The following PDZD4 variants were observed in gnomAD, a reference collection of about 807,000 sequenced individuals.
PDZD4 encodes PDZ domain containing 4, also known as PDZ domain-containing protein 4.
A neutral mutation model predicts 38.5 loss-of-function variants in PDZD4; 9 were observed. The observed-to-expected ratio is 0.23, with a 90% CI of 0.14 to 0.41. PDZD4 has a LOEUF of 0.41. Ranked by LOEUF, PDZD4 falls within the 10% of genes least tolerant of loss-of-function variation. The probability of loss-of-function intolerance (pLI) is 1.00; values close to 1 mark genes in which losing one functional copy is unlikely to be tolerated. For synonymous variants in PDZD4, 349 were observed against 315.7 expected, an observed-to-expected ratio of 1.11 and a Z score of -1.12; for missense variants, 612 against 722.0, an observed-to-expected ratio of 0.85 and a Z score of 1.75.
intron 2 of PDZD4, chrX:153,807,778 G>GC: frequency 1.1e-6 from 1 of 906,593 alleles, no homozygotes; most frequent in Non-Finnish European, 1.4e-6. Flanking sequence ...GCAGAGGGGG[G>GC]CCCACCCTAC....
intron 1 of PDZD4, among the ~76,000 whole-genome samples, chrX:153,826,801 T>C (rs1175890580): frequency 3.6e-5 from 4 of 111,638 alleles, no homozygotes; most frequent in Non-Finnish European, 7.5e-5. Context: ...ATAAAGAAAA[T>C]ACTCATGAAT....
At chrX:153,809,999 T>TA (rs2064293627) in intron 1 of PDZD4, among the ~76,000 whole-genome samples, 1 of 112,544 alleles carries the variant, frequency 8.9e-6, no homozygotes, top group African/African-American at 3.2e-5. Flanking sequence ...CCTGGGACAG[T>TA]ATGCTGCGAC....
rs1423390973 is a variant in PDZD4 at position 153,802,576 on chromosome X, GCTCT to G, written c.*773_*776del. ...AGGACCCCTCCGTTCCTGCAGTCTT[GCTCT>G]CTCTGAGTCACTGGGGAAACAGGTG... On this transcript the variant is annotated 3_prime_UTR_variant, in exon 8 of 8. Transcript: ENST00000393758. 9.0e-6 allele frequency: 1 copy of G among 111,681 alleles called. No homozygotes were observed. The highest frequency in any genetic ancestry group is 1.9e-5 in the Non-Finnish European group (1 of 52,948). 9.2% of individuals were successfully genotyped at this position (111,681 alleles called of 1,213,427 possible).
chrX:153,804,993 G>C, intron 7 of PDZD4, 93 bp from the exon 8 acceptor site: 1 of 1,123,835 alleles, frequency 8.9e-7, no homozygotes, highest in East Asian at 3.0e-5. Flanking sequence ...TTCAGGCCTG[G>C]TTCATTTCCC....
At chrX:153,824,420 C>A (rs927788399) in intron 1 of PDZD4, among the ~76,000 whole-genome samples, 14 of 111,579 alleles carry the variant, frequency 1.3e-4, no homozygotes, top group African/African-American at 4.2e-4. Flanking sequence ...GTCCAGCTTT[C>A]CCCTGGAAGG....
intron 4 of PDZD4, 51 bp downstream of exon 4, chrX:153,806,691 A>T (rs782368635): frequency 1.8e-6 from 2 of 1,112,935 alleles, no homozygotes; most frequent in Non-Finnish European, 2.5e-6. Flanking sequence ...TCTGAGCCAC[A>T]GGCAGGCCAT....
At chrX:153,805,384 G>GC in intron 6 of PDZD4, 121 bp downstream of exon 6, 1 of 355,463 alleles carries the variant, frequency 2.8e-6, no homozygotes, top group Non-Finnish European at 4.9e-6. Flanking sequence ...AGAGACCCCT[G>GC]CCCACCCGCC....
Position 153,803,059 on chromosome X carries a change from G to C in PDZD4, c.*294C>G. The C allele has an allele frequency of 4.3e-6, 1 of 234,377 alleles. No individual in the cohort carries two copies. Among genetic ancestry groups the C allele is most frequent in the Non-Finnish European group, 7.7e-6 (1 of 129,947 alleles). 19.3% of individuals were successfully genotyped at this position (234,377 alleles called of 1,213,427 possible). On this transcript the variant is annotated 3_prime_UTR_variant, in exon 8 of 8. Transcript: ENST00000393758. Reference sequence around the variant, plus strand: ...ACGTGCAAGCACACGCAAGAGCATGGGGGATGGGGAATGCACACGCACAGC... The same window carrying C: ...ACGTGCAAGCACACGCAAGAGCATGCGGGATGGGGAATGCACACGCACAGC...
Position 153,803,833 on chromosome X carries a change from G to A in PDZD4, c.1848C>T (p.Gly616=), listed in dbSNP as rs782252352. The A allele has an allele frequency of 6.7e-6, 8 of 1,194,808 alleles. No homozygotes were observed. The South Asian group carries it at 7.2e-5, about 11-fold the overall frequency. Residue 616 remains glycine, a synonymous_variant, in exon 8 of 8, where the codon GGC becomes GGT. Coordinates refer to ENST00000393758, the MANE Select transcript of PDZD4 (RefSeq NM_001303512.2). ...CTTCAGTGGCCGCGGCCGCCACCCC[G>A]CCCACCCGAGGGCCACCGGCCAAGC... ...PLSLAGGPRV[G]GVAAAATEAP...
At position 153,804,556 on chromosome X, in the gene PDZD4, G is replaced by A. The variant is rs1557076168; in HGVS notation, c.1125C>T (p.Asn375=). Residue 375 remains asparagine, a synonymous_variant, in exon 8 of 8, where the codon AAC becomes AAT. Transcript: ENST00000393758. ...ELLEIKCHLE[N]GNQLGLLFPR... ...GAAAGAGGAGGCCCAGCTGGTTGCC[G>A]TTCTCCAGGTGGCACTTGATCTCCA... The A allele has an allele frequency of 8.3e-6, 10 of 1,209,605 alleles. No homozygotes were observed. The highest frequency in any genetic ancestry group is 1.8e-5 in the South Asian group (1 of 56,989).
At chrX:153,807,206 G>A in intron 3 of PDZD4, 73 bp downstream of exon 3, 1 of 1,070,849 alleles carries the variant, frequency 9.3e-7, no homozygotes, top group Non-Finnish European at 1.3e-6. Context: ...GTTGGGCCTG[G>A]GCAGGAAGGC....
chrX:153,817,365 G>C (rs1321987848), intron 1 of PDZD4, among the ~76,000 whole-genome samples: 3 of 112,010 alleles, frequency 2.7e-5, no homozygotes, highest in Non-Finnish European at 5.6e-5. Flanking sequence ...TAGTAACCAA[G>C]ACTCGGAGGC....
chrX:153,829,751 G>A lies in PDZD4; in HGVS notation c.60+488C>T, dbSNP rs782532669. On this transcript the variant is annotated intron_variant, in intron 1 of 7. Coordinates refer to ENST00000393758, the MANE Select transcript of PDZD4 (RefSeq NM_001303512.2). ...CACTCACCCGAGACGCCTAAGGCCC[G>A]GGAGCCCATCGTTCGGGCAGGGCCA... The A allele has an allele frequency of 1.3e-5, 10 of 753,936 alleles. No individual in the cohort carries two copies. In the East Asian group the frequency reaches 1.2e-3, roughly 92 times the overall value. 62.1% of individuals were successfully genotyped at this position (753,936 alleles called of 1,213,427 possible).
chrX:153,809,538 G>T (rs1290979461), intron 1 of PDZD4, among the ~76,000 whole-genome samples: 3 of 112,531 alleles, frequency 2.7e-5, no homozygotes, highest in African/African-American at 6.5e-5. Context: ...AGTGAGCCGA[G>T]ATCGCACCAC....
intron 1 of PDZD4, among the ~76,000 whole-genome samples, chrX:153,829,385 G>A (rs2064517094): frequency 9.0e-6 from 1 of 111,424 alleles, no homozygotes; most frequent in South Asian, 3.8e-4. Flanking sequence ...GCTCCTGGGT[G>A]CCTTGACCTT....
chrX:153,807,624 T>TC (rs368488199), intron 2 of PDZD4, among the ~76,000 whole-genome samples: 1,177 of 90,762 alleles, frequency 0.013, 25 homozygotes, highest in African/African-American at 0.041. Flanking sequence ...AGCGTTCCCG[T>TC]CCCCCAGACC....
intron 1 of PDZD4, among the ~76,000 whole-genome samples, chrX:153,816,380 C>A (rs1023657428): frequency 9.2e-6 from 1 of 108,600 alleles, no homozygotes; most frequent in Non-Finnish European, 1.9e-5. Flanking sequence ...GTGCCAGGGA[C>A]CCCAGGGCTG....
chrX:153,809,418 T>A (rs782649727), intron 1 of PDZD4, among the ~76,000 whole-genome samples: 4 of 111,952 alleles, frequency 3.6e-5, no homozygotes, highest in African/African-American at 6.5e-5. Context: ...AAACCCCATC[T>A]CTACTAAAAA....
In PDZD4 at chrX:153,806,732, G is replaced by A. The variant is rs781887888; in HGVS notation, c.504+10C>T. On this transcript the variant is annotated intron_variant, in intron 4 of 7. Transcript: ENST00000393758. Reference sequence around the variant, plus strand: ...TGGGCCTCGGGGCTGGGGCATACCCGTCTGCATACCTCTCCGACATAAATG... The same window carrying A: ...TGGGCCTCGGGGCTGGGGCATACCCATCTGCATACCTCTCCGACATAAATG... The A allele has an allele frequency of 3.1e-5, 37 of 1,206,074 alleles. No individual in the cohort carries two copies. Among genetic ancestry groups the A allele is most frequent in the African/African-American group, 2.1e-4 (12 of 57,063 alleles).
Sources: allele counts gnomAD v4.1 joint callset (sites outside exome capture counted in the v4.1 genomes callset), GRCh38; gene constraint gnomAD v4.1.1; transcripts MANE v1.5; gene names NCBI Gene and HGNC (gene_info 2026-07-23, HGNC 2026-07-21).